Variants in KPNA1 observed in about 807,000 individuals in gnomAD.
KPNA1 encodes karyopherin subunit alpha 1.
KPNA1 carries 10 observed loss-of-function variants against 70.5 expected under a neutral mutation model. The ratio of observed to expected loss-of-function variants is 0.14; its 90% CI spans 0.09 to 0.24. KPNA1 has a LOEUF of 0.24. Among genes scored for constraint, KPNA1 ranks in the 10% least tolerant of loss-of-function variants. The pLI is 1.00. For synonymous variants in KPNA1, 192 were observed against 221.9 expected, an observed-to-expected ratio of 0.87 and a Z score of 1.20; for missense variants, 397 against 637.9, an observed-to-expected ratio of 0.62 and a Z score of 4.07.
At chr3:122,470,242 G>T (rs1184204608) in intron 2 of KPNA1, among the ~76,000 whole-genome samples, 2 of 152,198 alleles carry the variant, frequency 1.3e-5, no homozygotes, top group Non-Finnish European at 2.9e-5. Context: ...GCGGGGCACG[G>T]TGGCTCACAC....
chr3:122,498,550 T>C (rs2076789089), intron 1 of KPNA1, among the ~76,000 whole-genome samples: 1 of 152,220 alleles, frequency 6.6e-6, no homozygotes, highest in Non-Finnish European at 1.5e-5. Context: ...GACAACCAGC[T>C]GACTATATAC....
chr3:122,461,427 T>A, intron 4 of KPNA1, 109 bp from the exon 5 acceptor site: 1 of 670,936 alleles, frequency 1.5e-6, no homozygotes. Flanking sequence ...TCTCTCATGC[T>A]GGAAATCTAC....
chr3:122,512,167 G>A (rs2076961928), intron 1 of KPNA1, among the ~76,000 whole-genome samples: 2 of 151,880 alleles, frequency 1.3e-5, no homozygotes, highest in African/African-American at 2.4e-5. Context: ...TAGAGAAACA[G>A]GATGGCTTAC....
intron 8 of KPNA1, among the ~76,000 whole-genome samples, chr3:122,451,244 T>C (rs1190671022): frequency 6.6e-6 from 1 of 152,182 alleles, no homozygotes; most frequent in Admixed American, 6.5e-5. Flanking sequence ...CTAAACAGTA[T>C]ACTAATTGTA....
chr3:122,501,266 T>A (rs1433212299), intron 1 of KPNA1, among the ~76,000 whole-genome samples: 1 of 152,096 alleles, frequency 6.6e-6, no homozygotes, highest in African/African-American at 2.4e-5. Context: ...CCTCAAGTGA[T>A]CCACCCACCT....
chr3:122,508,762 C>G (rs1254009595), intron 1 of KPNA1, among the ~76,000 whole-genome samples: 1 of 152,146 alleles, frequency 6.6e-6, no homozygotes, highest in Admixed American at 6.5e-5. Context: ...ACAAGCCACA[C>G]TTAATAGAGC....
At chr3:122,486,068 T>C (rs1365115063) in intron 2 of KPNA1, among the ~76,000 whole-genome samples, 3 of 152,140 alleles carry the variant, frequency 2.0e-5, no homozygotes, top group Admixed American at 6.5e-5. Flanking sequence ...TGGCAAACAG[T>C]TGACAGCTCC....
chr3:122,440,207 A>G (rs967897906), intron 10 of KPNA1, among the ~76,000 whole-genome samples: 1 of 152,130 alleles, frequency 6.6e-6, no homozygotes, highest in South Asian at 2.1e-4. Context: ...TTACAATACA[A>G]TGTGATTAAT....
intron 1 of KPNA1, among the ~76,000 whole-genome samples, chr3:122,501,310 G>C (rs2076827165): frequency 6.6e-6 from 1 of 152,118 alleles, no homozygotes; most frequent in African/African-American, 2.4e-5. Flanking sequence ...ACAGGTGTAA[G>C]CCACCACGCC....
chr3:122,461,719 T>C (rs950596110), intron 4 of KPNA1, among the ~76,000 whole-genome samples: 2 of 152,214 alleles, frequency 1.3e-5, no homozygotes, highest in Admixed American at 1.3e-4. Flanking sequence ...CTTAAGGAAT[T>C]GCATTACAAG....
At chr3:122,487,474 A>G (rs955552561) in intron 2 of KPNA1, among the ~76,000 whole-genome samples, 3 of 152,248 alleles carry the variant, frequency 2.0e-5, no homozygotes, top group Non-Finnish European at 4.4e-5. Flanking sequence ...TGCTCATTGC[A>G]GCATTATTCA....
chr3:122,489,364 A>C lies in KPNA1; in HGVS notation c.129+7073T>G, dbSNP rs565100502. On this transcript the variant is annotated intron_variant, in intron 2 of 13. Transcript: ENST00000344337. ...GAGCACAGTGGCACAGTCATAGCTCAATGAAGCCTCAAACTCCTGGGCTCA... is the reference window on the plus strand; with the variant it reads ...GAGCACAGTGGCACAGTCATAGCTCCATGAAGCCTCAAACTCCTGGGCTCA... 1.4e-4 allele frequency among the ~76,000 whole-genome samples: 22 copies of C among 151,826 alleles called. No individual in the cohort carries two copies. In the South Asian group the frequency reaches 4.6e-3, roughly 32 times the overall value.
intron 1 of KPNA1, among the ~76,000 whole-genome samples, chr3:122,513,693 G>A (rs927250578): frequency 6.6e-6 from 1 of 151,664 alleles, no homozygotes; most frequent in African/African-American, 2.4e-5. Context: ...TACTAATAGA[G>A]ATTTTTAAGC....
chr3:122,502,239 T>C (rs1280650944), intron 1 of KPNA1, among the ~76,000 whole-genome samples: 1 of 152,204 alleles, frequency 6.6e-6, no homozygotes, highest in Non-Finnish European at 1.5e-5. Flanking sequence ...ATACACCCAG[T>C]GATCTACTGA....
intron 9 of KPNA1, among the ~76,000 whole-genome samples, chr3:122,442,364 C>T (rs748411537): frequency 6.6e-6 from 1 of 152,178 alleles, no homozygotes; most frequent in Non-Finnish European, 1.5e-5. Flanking sequence ...CCCAGGTATT[C>T]CATCACCTGG....
At chr3:122,469,445 T>C (rs963901903) in intron 2 of KPNA1, among the ~76,000 whole-genome samples, 4 of 152,248 alleles carry the variant, frequency 2.6e-5, no homozygotes, top group African/African-American at 9.6e-5. Context: ...TCATCACTTA[T>C]GTCTTTAGAT....
intron 1 of KPNA1, among the ~76,000 whole-genome samples, chr3:122,511,216 T>A (rs1432508733): frequency 6.6e-6 from 1 of 152,180 alleles, no homozygotes; most frequent in African/African-American, 2.4e-5. Context: ...CTGCCTATTC[T>A]GACCCCAAGC....
At chr3:122,464,594 C>T (rs1410316259) in intron 3 of KPNA1, among the ~76,000 whole-genome samples, 1 of 152,152 alleles carries the variant, frequency 6.6e-6, no homozygotes, top group Non-Finnish European at 1.5e-5. Flanking sequence ...ATAGAGTGGT[C>T]CTGTATAAAT....
At chr3:122,486,639 G>A (rs2076632272) in intron 2 of KPNA1, among the ~76,000 whole-genome samples, 1 of 151,882 alleles carries the variant, frequency 6.6e-6, no homozygotes, top group Admixed American at 6.6e-5. Context: ...CCAGGCTGGA[G>A]TGCAGTGGCG....
Sources: allele counts gnomAD v4.1 joint callset (sites outside exome capture counted in the v4.1 genomes callset), GRCh38; gene constraint gnomAD v4.1.1; transcripts MANE v1.5; gene names NCBI Gene and HGNC (gene_info 2026-07-23, HGNC 2026-07-21).